PEMT: variants seen among roughly 807,000 people sequenced by gnomAD.
PEMT encodes the protein phospholipid methyltransferase.
In PEMT, 23 loss-of-function variants were observed where a neutral mutation model predicts 27.4. That is an observed-to-expected ratio of 0.84 (90% CI 0.60 to 1.19). PEMT has a LOEUF of 1.19. PEMT is among the 50% of genes most tolerant of loss of function. The pLI is 0.00. For synonymous variants in PEMT, 137 were observed against 139.1 expected, an observed-to-expected ratio of 0.98 and a Z score of 0.11; for missense variants, 307 against 310.1, an observed-to-expected ratio of 0.99 and a Z score of 0.07.
intron 2 of PEMT, among the ~76,000 whole-genome samples, chr17:17,553,622 C>T (rs1264676286): frequency 1.3e-5 from 2 of 152,246 alleles, no homozygotes; most frequent in Non-Finnish European, 2.9e-5. Flanking sequence ...ATGGCCAGCA[C>T]TAACCTGACC....
chr17:17,583,652 C>A lies in PEMT; in HGVS notation c.97-6625G>T, dbSNP rs1369044012. ...ACAGGCCACCTGAGGTTACCTTCTGCACAGAAGCAAGAACAGATGTAAAAG... is the reference window on the plus strand; with the variant it reads ...ACAGGCCACCTGAGGTTACCTTCTGAACAGAAGCAAGAACAGATGTAAAAG... On this transcript the variant is annotated intron_variant, in intron 1 of 6. Coordinates refer to ENST00000255389, the MANE Select transcript of PEMT (RefSeq NM_148172.3). Among the ~76,000 whole-genome samples, 5 of 152,224 alleles carry A rather than the reference C, an allele frequency of 3.3e-5. No individual in the cohort carries two copies. The East Asian group carries it at 9.6e-4, about 29-fold the overall frequency.
intron 2 of PEMT, among the ~76,000 whole-genome samples, chr17:17,556,789 A>C (rs1242910937): frequency 1.3e-5 from 2 of 152,284 alleles, no homozygotes; most frequent in South Asian, 4.1e-4. Context: ...GGAAGGTTAA[A>C]ATGCCCTTTG....
chr17:17,577,715 A>G (rs1394388310), intron 1 of PEMT, among the ~76,000 whole-genome samples: 1 of 151,782 alleles, frequency 6.6e-6, no homozygotes, highest in East Asian at 1.9e-4. Flanking sequence ...GCTAAACTAC[A>G]GCAGTTAAAA....
chr17:17,530,313 T>A (rs554623358), intron 2 of PEMT, among the ~76,000 whole-genome samples: 7 of 152,316 alleles, frequency 4.6e-5, no homozygotes, highest in African/African-American at 1.7e-4. Context: ...TTGACCAACA[T>A]GGTGAAACCC....
chr17:17,516,837 T>C (rs4244592), intron 3 of PEMT, among the ~76,000 whole-genome samples: 94,666 of 151,690 alleles, frequency 0.62, 30,380 homozygotes, highest in African/African-American at 0.78. Flanking sequence ...GTCCTAAGTG[T>C]CCCCCCACCC....
At chr17:17,571,918 C>T (rs777791223) in intron 2 of PEMT, among the ~76,000 whole-genome samples, 3 of 152,152 alleles carry the variant, frequency 2.0e-5, no homozygotes, top group East Asian at 1.9e-4. Flanking sequence ...GGGCTGGTTT[C>T]GAACTCCTGG....
At chr17:17,548,617 C>T (rs967108966) in intron 2 of PEMT, among the ~76,000 whole-genome samples, 1 of 151,984 alleles carries the variant, frequency 6.6e-6, no homozygotes, top group East Asian at 1.9e-4. Flanking sequence ...GGCACGATCT[C>T]GGCTCACCGC....
chr17:17,558,828 C>G (rs550126276), intron 2 of PEMT, among the ~76,000 whole-genome samples: 1 of 152,272 alleles, frequency 6.6e-6, no homozygotes, highest in Admixed American at 6.5e-5. Flanking sequence ...CGACACCCCT[C>G]CCAGAGCCTG....
At chr17:17,563,544 G>T (rs1910631766) in intron 2 of PEMT, among the ~76,000 whole-genome samples, 1 of 152,226 alleles carries the variant, frequency 6.6e-6, no homozygotes, top group Admixed American at 6.5e-5. Context: ...GGCCAGAAAG[G>T]CGACTAAAAA....
chr17:17,586,256 G>GAAAGAAAGAAAGAAAGAAAGAAAT (rs1912274717), intron 1 of PEMT, among the ~76,000 whole-genome samples: 2 of 104,332 alleles, frequency 1.9e-5, no homozygotes, highest in Non-Finnish European at 3.8e-5. Flanking sequence ...AAGAAAGAAA[G>GAAAGAAAGAAAGAAAGAAAGAAAT]AAAGAAAGAA....
Position 17,506,212 on chromosome 17 carries a change from G to A in PEMT, c.653+15C>T, listed in dbSNP as rs781036082. The stretch of plus-strand genomic sequence containing the variant: ...TCGGGCAGCCACGCCCCCACCCGCC[G>A]CAGCCCCTACTCACTCTTCGTATAG... On this transcript the variant is annotated intron_variant, in intron 6 of 6. Transcript: ENST00000255389. The A allele has an allele frequency of 1.3e-5, 20 of 1,544,348 alleles. No individual in the cohort carries two copies. The Middle Eastern group carries it at 6.7e-4, about 52-fold the overall frequency.
chr17:17,531,620 G>GAAAAAAAAAAA (rs1567689662), intron 2 of PEMT, among the ~76,000 whole-genome samples: 12 of 20,472 alleles, frequency 5.9e-4, no homozygotes, highest in Non-Finnish European at 6.7e-4. Flanking sequence ...GCTATCATAT[G>GAAAAAAAAAAA]CAAAAAAAAA....
intron 2 of PEMT, among the ~76,000 whole-genome samples, chr17:17,528,701 G>C (rs1435962387): frequency 6.6e-6 from 1 of 152,198 alleles, no homozygotes; most frequent in Non-Finnish European, 1.5e-5. Context: ...ACCTATGAGA[G>C]GTCAGGGACC....
intron 2 of PEMT, among the ~76,000 whole-genome samples, chr17:17,546,710 A>G (rs567521926): frequency 6.6e-6 from 1 of 152,350 alleles, no homozygotes; most frequent in South Asian, 2.1e-4. Context: ...GCCTATGGCC[A>G]AAGAGAGGCT....
At chr17:17,545,381 T>C (rs1476940631) in intron 2 of PEMT, among the ~76,000 whole-genome samples, 2 of 152,172 alleles carry the variant, frequency 1.3e-5, no homozygotes, top group Non-Finnish European at 2.9e-5. Flanking sequence ...CCTCACAGTG[T>C]TCCTGCCACC....
At chr17:17,576,819 T>C in intron 2 of PEMT, 101 bp downstream of exon 2, 1 of 893,254 alleles carries the variant, frequency 1.1e-6, no homozygotes, top group Admixed American at 1.8e-5. Flanking sequence ...GAGCTGTCTG[T>C]CTGTCTGGCC....
At chr17:17,587,768 C>T (rs997379414) in intron 1 of PEMT, among the ~76,000 whole-genome samples, 2 of 152,048 alleles carry the variant, frequency 1.3e-5, no homozygotes, top group Admixed American at 6.6e-5. Flanking sequence ...CCCAGCTACT[C>T]GGGAGCCTGA....
chr17:17,563,383 T>G (rs1472757276), intron 2 of PEMT, among the ~76,000 whole-genome samples: 1 of 151,904 alleles, frequency 6.6e-6, no homozygotes, highest in East Asian at 1.9e-4. Flanking sequence ...AATAACCGCA[T>G]CCGCAGGGGC....
intron 1 of PEMT, among the ~76,000 whole-genome samples, chr17:17,584,400 C>A (rs1343889683): frequency 6.6e-6 from 1 of 152,192 alleles, no homozygotes. Flanking sequence ...ACCTCATGAT[C>A]CGCCTGCCTC....
Sources: gnomAD v4.1 joint callset for allele counts (sites outside exome capture counted in the v4.1 genomes callset) on GRCh38, gnomAD v4.1.1 for gene constraint, MANE v1.5 for transcripts, NCBI Gene and HGNC (gene_info 2026-07-23, HGNC 2026-07-21) for gene names.